CACNA1C: variants seen among roughly 807,000 people sequenced by gnomAD.
The protein encoded by CACNA1C is calcium voltage-gated channel subunit alpha1 C.
Under a neutral mutation model 229.0 loss-of-function variants are expected in CACNA1C, and 30 were observed. That is an observed-to-expected ratio of 0.13 (90% confidence interval 0.10 to 0.18). CACNA1C has a LOEUF of 0.18. Among genes scored for constraint, CACNA1C ranks in the 10% least tolerant of loss-of-function variants. The pLI, the probability that CACNA1C is intolerant of heterozygous loss-of-function variation, is 1.00. For synonymous variants in CACNA1C, 1,114 were observed against 1,132.5 expected, an observed-to-expected ratio of 0.98 and a Z score of 0.33; for missense variants, 1,658 against 2,845.0, an observed-to-expected ratio of 0.58 and a Z score of 9.49.
chr12:2,295,335 T>C (rs2093937718), intron 3 of CACNA1C, among the ~76,000 whole-genome samples: 1 of 152,164 alleles, frequency 6.6e-6, no homozygotes, highest in African/African-American at 2.4e-5. Context: ...CCTCCCTCTT[T>C]TGTCTTTCAA....
intron 29 of CACNA1C, among the ~76,000 whole-genome samples, chr12:2,627,517 A>G (rs1232002391): frequency 6.6e-6 from 1 of 151,924 alleles, no homozygotes; most frequent in Non-Finnish European, 1.5e-5. Flanking sequence ...AGAAAAGATC[A>G]GTGTTTCCAG....
chr12:2,048,627 G>C (rs2051500282), upstream of CACNA1C: 1 of 152,424 alleles, frequency 6.6e-6, no homozygotes, highest in Non-Finnish European at 1.5e-5. Flanking sequence ...TTTGCAGGTG[G>C]GTGGCAGCAT....
At chr12:2,192,715 C>G (rs2097276106) in intron 3 of CACNA1C, among the ~76,000 whole-genome samples, 1 of 151,198 alleles carries the variant, frequency 6.6e-6, no homozygotes, top group African/African-American at 2.4e-5. Context: ...CCTGGCACTC[C>G]CCCCACTCTC....
chr12:2,493,159 C>A lies in CACNA1C; in HGVS notation c.917-31C>A. ...CCCACATCTCTCCCTCCCTGCTGCT[C>A]CCGTCTCCTGTCTTCTTCTGGCCAT... On this transcript the variant is annotated intron_variant, in intron 6 of 46. Transcript: ENST00000399655. This position sits in a 1 kb window ranked among gnomAD's most constrained non-coding sequence, Gnocchi z 4.6. The A allele has an allele frequency of 6.3e-7, 1 of 1,592,622 alleles. No homozygotes were observed. Among genetic ancestry groups the A allele is most frequent in the Non-Finnish European group, 8.6e-7 (1 of 1,160,940 alleles).
chr12:2,424,373 C>CG (rs2154556931), intron 3 of CACNA1C, among the ~76,000 whole-genome samples: 2 of 152,066 alleles, frequency 1.3e-5, no homozygotes, highest in South Asian at 4.2e-4. Context: ...GGAGGGAAAA[C>CG]GGGGAGAAGG....
intron 3 of CACNA1C, among the ~76,000 whole-genome samples, chr12:2,429,119 A>C (rs541690758): frequency 9.5e-5 from 14 of 146,736 alleles, no homozygotes; most frequent in Non-Finnish European, 1.8e-4. Flanking sequence ...TTAATCACTC[A>C]GCTTTGCCTC....
At chr12:2,418,501 CAGTT>C (rs985323855) in intron 3 of CACNA1C, among the ~76,000 whole-genome samples, 2 of 151,858 alleles carry the variant, frequency 1.3e-5, no homozygotes, top group African/African-American at 4.8e-5. Context: ...GACTGTTGCT[CAGTT>C]AGGCCAGAGC....
intron 1 of CACNA1C, among the ~76,000 whole-genome samples, chr12:2,006,011 C>G (rs1448526902): frequency 1.3e-5 from 2 of 152,196 alleles, no homozygotes; most frequent in Non-Finnish European, 2.9e-5. Flanking sequence ...CCAAACAAAA[C>G]ACACATAGCC....
At chr12:1,993,836 T>C (rs2040135430) in intron 1 of CACNA1C, among the ~76,000 whole-genome samples, 3 of 152,118 alleles carry the variant, frequency 2.0e-5, no homozygotes, top group South Asian at 2.1e-4. Flanking sequence ...ATGAAGAAAA[T>C]TTTCATAGAA....
chr12:2,202,162 A>T (rs889043082), intron 3 of CACNA1C, among the ~76,000 whole-genome samples: 1 of 152,156 alleles, frequency 6.6e-6, no homozygotes, highest in Non-Finnish European at 1.5e-5. Flanking sequence ...GATAAATTGG[A>T]TTGACTTAGA....
chr12:2,476,279 T>C (rs2099627904), intron 5 of CACNA1C, among the ~76,000 whole-genome samples: 1 of 152,250 alleles, frequency 6.6e-6, no homozygotes, highest in Non-Finnish European at 1.5e-5. Context: ...AAGTGGCACA[T>C]GTGTGCAGTG....
intron 9 of CACNA1C, among the ~76,000 whole-genome samples, chr12:2,516,837 C>G (rs539228556): frequency 2.0e-5 from 3 of 152,308 alleles, no homozygotes; most frequent in Admixed American, 2.0e-4. Flanking sequence ...GGAGAGAGAT[C>G]TGTGGCTGAA....
At position 2,407,422 on chromosome 12, in the gene CACNA1C, C is replaced by T. The variant is rs11062214; in HGVS notation, c.478-41554C>T. Among the ~76,000 whole-genome samples, 52 of 62,106 alleles carry T rather than the reference C, an allele frequency of 8.4e-4. 1 individual carries two copies. The highest frequency in any genetic ancestry group is 2.7e-3 in the African/African-American group (48 of 17,958). The allele number at this position is 62,106 out of a possible 152,430, so 40.7% of individuals were successfully genotyped here. A position where few individuals can be genotyped will look rare whatever the true frequency, so the allele number is the denominator to read the frequency against. On this transcript the variant is annotated intron_variant, in intron 3 of 46. Transcript: ENST00000399655. The stretch of plus-strand genomic sequence containing the variant: ...TTCATCATGACCCAGTGGGAAGGAA[C>T]GTCCTTTTGATAATAGCCGTCCTGA...
chr12:2,230,042 C>T (rs2064335644), intron 3 of CACNA1C, among the ~76,000 whole-genome samples: 1 of 152,180 alleles, frequency 6.6e-6, no homozygotes, highest in Non-Finnish European at 1.5e-5. Flanking sequence ...GCCTTAAGCT[C>T]CGGCAGCGAT....
At chr12:1,991,377 C>T (rs2039372156) in intron 1 of CACNA1C, 1 of 330,168 alleles carries the variant, frequency 3.0e-6, no homozygotes, top group Non-Finnish European at 6.0e-6. Context: ...TAGAACAGTG[C>T]CATTCAATAG....
In CACNA1C at chr12:2,694,723, C is replaced by T. The variant is rs1312801748; in HGVS notation, c.*3524C>T. The T allele has an allele frequency of 6.6e-6, 1 of 152,258 alleles. No individual in the cohort carries two copies. The highest frequency in any genetic ancestry group is 1.9e-4 in the East Asian group (1 of 5,198). 9.4% of individuals were successfully genotyped at this position (152,258 alleles called of 1,614,324 possible). On this transcript the variant is annotated 3_prime_UTR_variant, in exon 47 of 47. Coordinates refer to ENST00000399655, the MANE Select transcript of CACNA1C (RefSeq NM_000719.7). ...GCCCATGCAGCTGAAGACAGTGGGG[C>T]AACCTCAGGAGAAGCAGACCTTTCC...
At chr12:2,230,930 C>T (rs571412953) in intron 3 of CACNA1C, among the ~76,000 whole-genome samples, 1 of 152,322 alleles carries the variant, frequency 6.6e-6, no homozygotes, top group Admixed American at 6.5e-5. Context: ...CCCTTGCTAA[C>T]AGGTGTTGGG....
intron 3 of CACNA1C, among the ~76,000 whole-genome samples, chr12:2,369,558 C>A (rs1437706242): frequency 1.3e-5 from 2 of 152,080 alleles, no homozygotes; most frequent in Non-Finnish European, 2.9e-5. Context: ...GCCACTGCAA[C>A]CAGCTAATTT....
intron 3 of CACNA1C, among the ~76,000 whole-genome samples, chr12:2,291,194 A>G (rs1039293102): frequency 6.6e-6 from 1 of 152,252 alleles, no homozygotes; most frequent in African/African-American, 2.4e-5. Context: ...CCCTTATTAC[A>G]ACAAAACAAT....
Sources: gnomAD v4.1 joint callset for allele counts (sites outside exome capture counted in the v4.1 genomes callset) on GRCh38, gnomAD v4.1.1 for gene constraint, Gnocchi (gnomAD v3.1) non-coding constraint, MANE v1.5 for transcripts, NCBI Gene and HGNC (gene_info 2026-07-23, HGNC 2026-07-21) for gene names.